ITPR2: variants seen among roughly 807,000 people sequenced by gnomAD.
ITPR2 encodes the protein inositol 1,4,5-trisphosphate receptor type 2, also known as inositol 1,4,5-trisphosphate-gated calcium channel ITPR2.
In ITPR2, 207 loss-of-function variants were observed where a neutral mutation model predicts 317.1. That is an observed-to-expected ratio of 0.65 (90% CI 0.58 to 0.73). ITPR2 has a LOEUF of 0.73. Among genes scored for constraint, ITPR2 ranks in the 30% least tolerant of loss-of-function variants. The pLI is 0.00. For synonymous variants in ITPR2, 1,156 were observed against 1,149.1 expected (o/e 1.01, Z -0.12); for missense variants, 2,613 against 3,284.0 (o/e 0.80, Z 4.99).
chr12:26,652,711 T>G (rs1002462941), intron 21 of ITPR2, among the ~76,000 whole-genome samples: 2 of 152,186 alleles, frequency 1.3e-5, no homozygotes, highest in Non-Finnish European at 2.9e-5. Flanking sequence ...CCCTTTGCCT[T>G]AATTTGTGAC....
At chr12:26,627,142 T>C (rs1004978060) in intron 23 of ITPR2, among the ~76,000 whole-genome samples, 1 of 152,172 alleles carries the variant, frequency 6.6e-6, no homozygotes, top group Non-Finnish European at 1.5e-5. Context: ...CAAAGTAAAT[T>C]TTTTTAAAAA....
intron 37 of ITPR2, among the ~76,000 whole-genome samples, chr12:26,549,588 A>C (rs181580967): frequency 6.6e-4 from 100 of 152,256 alleles, no homozygotes; most frequent in African/African-American, 2.1e-3. Context: ...GCTAAAAAAA[A>C]TTCTCTAGAT....
chr12:26,387,419 C>G lies in ITPR2; in HGVS notation c.7857+15G>C. On this transcript the variant is annotated intron_variant, in intron 55 of 56. Transcript: ENST00000381340. The stretch of plus-strand genomic sequence containing the variant: ...ATACAATATAGTCACAAATTAAAAC[C>G]TTCTGGTCACTCACCACAATCATTT... 1 of 1,611,850 alleles carries G rather than the reference C, an allele frequency of 6.2e-7. No homozygotes were observed. Among genetic ancestry groups the G allele is most frequent in the East Asian group, 2.2e-5 (1 of 44,784 alleles).
chr12:26,733,960 T>C (rs1314823494), intron 2 of ITPR2, among the ~76,000 whole-genome samples: 1 of 152,198 alleles, frequency 6.6e-6, no homozygotes, highest in East Asian at 1.9e-4. Context: ...CATATATTTA[T>C]GTTTCTACAC....
intron 46 of ITPR2, among the ~76,000 whole-genome samples, chr12:26,441,413 T>C (rs1301125289): frequency 6.6e-6 from 1 of 152,144 alleles, no homozygotes; most frequent in African/African-American, 2.4e-5. Context: ...AATACAAAGA[T>C]GACCAAGACC....
At position 26,336,253 on chromosome 12, in the gene ITPR2, G is replaced by T. The variant is rs910139866; in HGVS notation, c.*3144C>A. ...CTCATTCTCAGTCCTGGGGACTGGG[G>T]GCTAGTGGCTGAGTGTGGGCTATAC... On this transcript the variant is annotated 3_prime_UTR_variant, in exon 57 of 57. Transcript: ENST00000381340. Among the ~76,000 whole-genome samples the T allele has an allele frequency of 6.6e-6, 1 of 152,138 alleles. No homozygotes were observed. The highest frequency in any genetic ancestry group is 1.9e-4 in the East Asian group (1 of 5,198).
intron 43 of ITPR2, among the ~76,000 whole-genome samples, chr12:26,478,638 T>A (rs1942470592): frequency 6.6e-6 from 1 of 152,174 alleles, no homozygotes; most frequent in African/African-American, 2.4e-5. Flanking sequence ...AACGGCCTAA[T>A]GAAATATGAA....
At chr12:26,828,387 G>A (rs1951041083) in intron 1 of ITPR2, among the ~76,000 whole-genome samples, 1 of 152,192 alleles carries the variant, frequency 6.6e-6, no homozygotes, top group African/African-American at 2.4e-5. Flanking sequence ...CATGTACCTA[G>A]ATAAGATTTC....
At chr12:26,606,375 T>C (rs911365513) in intron 26 of ITPR2, among the ~76,000 whole-genome samples, 2 of 152,194 alleles carry the variant, frequency 1.3e-5, no homozygotes, top group African/African-American at 4.8e-5. Flanking sequence ...GGAAACAGCT[T>C]AGTGCAGTGA....
chr12:26,627,164 C>T (rs1296811118), intron 23 of ITPR2: 1 of 152,160 alleles, frequency 6.6e-6, no homozygotes, highest in Non-Finnish European at 1.5e-5. Flanking sequence ...AATCCACACA[C>T]ACAAAATGAG....
rs1238448686 is a variant in ITPR2, at chr12:26,682,000, G to A, written c.1283C>T (p.Ala428Val). 6.2e-7 allele frequency: 1 copy of A among 1,613,194 alleles called. No individual in the cohort carries two copies. Among genetic ancestry groups the A allele is most frequent in the Non-Finnish European group, 8.5e-7 (1 of 1,179,448 alleles). Reference protein sequence around the residue: ...GTCQTKEDKEAFAIVSVPLSE... With the variant: ...GTCQTKEDKEVFAIVSVPLSE... ...CAGTGGAACAGACACGATTGCGAAC[G>A]CTTCTTTATCTTCTTTGGTTTGGCA... The change falls in exon 13 of 57, where the codon GCG becomes GTG. Residue 428 changes from alanine to valine, a missense_variant. Around this residue, in one of 9 missense-constraint regions of ITPR2, gnomAD observed 515 missense variants for 789.4 expected, o/e 0.65. Transcript: ENST00000381340.
intron 2 of ITPR2, among the ~76,000 whole-genome samples, chr12:26,764,866 TCATATTTTAC>T (rs1949692440): frequency 6.6e-6 from 1 of 152,116 alleles, no homozygotes; most frequent in South Asian, 2.1e-4. Context: ...CACTTATATT[TCATATTTTAC>T]TTAACCATTC....
intron 37 of ITPR2, among the ~76,000 whole-genome samples, chr12:26,511,542 T>A (rs1398505569): frequency 1.3e-5 from 2 of 152,258 alleles, no homozygotes; most frequent in Non-Finnish European, 2.9e-5. Flanking sequence ...AAGTATTTAC[T>A]GTCTCACCCA....
At chr12:26,509,544 T>TAC (rs71069249) in intron 37 of ITPR2, among the ~76,000 whole-genome samples, 80,177 of 151,868 alleles carry the variant, frequency 0.53, 21,975 homozygotes, top group South Asian at 0.65. Context: ...AGCTGCTATT[T>TAC]CATAAAGTTC....
chr12:26,371,986 G>T (rs1482802620), intron 55 of ITPR2, among the ~76,000 whole-genome samples: 1 of 152,154 alleles, frequency 6.6e-6, no homozygotes, highest in Non-Finnish European at 1.5e-5. Flanking sequence ...GGATCAAACA[G>T]GAACTCCTTA....
chr12:26,553,373 C>A (rs1565599062), intron 36 of ITPR2, among the ~76,000 whole-genome samples: 1 of 152,220 alleles, frequency 6.6e-6, no homozygotes, highest in Non-Finnish European at 1.5e-5. Context: ...GCAGACTCAT[C>A]TGAGTCAACA....
chr12:26,472,416 G>T (rs1942312311), intron 45 of ITPR2, among the ~76,000 whole-genome samples: 1 of 150,798 alleles, frequency 6.6e-6, no homozygotes, highest in East Asian at 1.9e-4. Flanking sequence ...GTCTGCCTTT[G>T]TTTCTCTACT....
At chr12:26,589,990 A>G (rs915623054) in intron 32 of ITPR2, among the ~76,000 whole-genome samples, 2 of 151,602 alleles carry the variant, frequency 1.3e-5, no homozygotes, top group Admixed American at 6.6e-5. Context: ...CAAAACACAG[A>G]AACTAGAGGG....
At chr12:26,627,955 T>C (rs905005677) in intron 23 of ITPR2, 78 bp downstream of exon 23, 1 of 1,267,060 alleles carries the variant, frequency 7.9e-7, no homozygotes, top group Non-Finnish European at 1.1e-6. Context: ...AATATAATTA[T>C]GTTTTAAAAT....
Sources: allele counts gnomAD v4.1 joint callset (sites outside exome capture counted in the v4.1 genomes callset), GRCh38; gene constraint gnomAD v4.1.1; regional missense constraint gnomAD v4.1.1; transcripts MANE v1.5; gene names NCBI Gene and HGNC (gene_info 2026-07-23, HGNC 2026-07-21).